Variants in MAP4 observed in about 807,000 individuals in gnomAD.
MAP4 encodes the protein microtubule-associated protein 4.
In MAP4, 76 loss-of-function variants were observed where a neutral mutation model predicts 170.2. The ratio of observed to expected loss-of-function variants is 0.45; its 90% CI spans 0.37 to 0.54. The LOEUF (loss-of-function observed/expected upper bound fraction) is 0.54, where lower values mean the gene tolerates loss of function less well. Among genes scored for constraint, MAP4 ranks in the 20% least tolerant of loss-of-function variants. MAP4 has a pLI of 0.00. For missense variants in MAP4, 2,506 were observed against 2,748.0 expected (o/e 0.91, Z 1.97); for synonymous variants, 909 against 994.5 (o/e 0.91, Z 1.62).
At chr3:48,020,939 G>A (rs1255174635), upstream of MAP4, among the ~76,000 whole-genome samples, 1 of 152,126 alleles carries the variant, frequency 6.6e-6, no homozygotes, top group Non-Finnish European at 1.5e-5. Flanking sequence ...GCTGAGACTA[G>A]AAGCATGTGC....
intron 10 of MAP4, chr3:47,890,978 C>T: frequency 7.1e-7 from 1 of 1,413,090 alleles, no homozygotes; most frequent in Non-Finnish European, 9.3e-7. Flanking sequence ...TGGTTCCTTC[C>T]TTGCTGTCTG....
chr3:47,921,606 T>TA (rs1242637475), intron 5 of MAP4, among the ~76,000 whole-genome samples, 159 bp downstream of exon 5: 2 of 152,218 alleles, frequency 1.3e-5, no homozygotes, highest in African/African-American at 2.4e-5. Context: ...ACTCATTCCC[T>TA]AGGTACCTCT....
intron 9 of MAP4, among the ~76,000 whole-genome samples, chr3:47,903,881 A>G (rs1473299007): frequency 6.6e-6 from 1 of 152,252 alleles, no homozygotes; most frequent in Non-Finnish European, 1.5e-5. Flanking sequence ...TCTCTGGACA[A>G]TAAAATGCTA....
chr3:48,058,973 T>A (rs2100133734), intron 1 of MAP4, among the ~76,000 whole-genome samples: 3 of 151,812 alleles, frequency 2.0e-5, no homozygotes, highest in African/African-American at 7.3e-5. Flanking sequence ...AGAGATGGGT[T>A]TCATCATGTG....
At chr3:47,891,559 T>TG in intron 10 of MAP4, 1 of 1,530,252 alleles carries the variant, frequency 6.5e-7, no homozygotes, top group Non-Finnish European at 8.7e-7. Context: ...GGTTGACAGC[T>TG]GGGGGAACTG....
In MAP4 at chr3:47,877,446, G is replaced by T; in HGVS notation, c.5512C>A (p.Leu1838Ile). The change falls in exon 11 of 21, where the codon CTC (leucine) becomes ATC (isoleucine). Residue 1838 changes from leucine to isoleucine, a missense_variant. Physicochemically the swap from Leu to Ile is conservative, Grantham distance 5. Coordinates refer to ENST00000683076, the MANE Select transcript of MAP4 (RefSeq NM_001385682.1). ...GTTTTCTTCTCTGGGCTTGGTGGGA[G>T]CTCCTTGTTCGGTGGGGTGGTGATG... ...NDITTPPNKELPPSPEKKTKP... is the reference protein window; with the variant it reads ...NDITTPPNKEIPPSPEKKTKP... The T allele has an allele frequency of 6.2e-7, 1 of 1,614,098 alleles. No individual in the cohort carries two copies. Among genetic ancestry groups the T allele is most frequent in the Non-Finnish European group, 8.5e-7 (1 of 1,179,974 alleles).
chr3:47,862,346 C>CAAAAAA (rs57751818), intron 17 of MAP4, among the ~76,000 whole-genome samples: 37 of 52,366 alleles, frequency 7.1e-4, no homozygotes, highest in Non-Finnish European at 1.0e-3. Flanking sequence ...GACTGTGTCT[C>CAAAAAA]AAAAAAAAAA....
Position 47,855,625 on chromosome 3 carries a change from G to A in MAP4, c.6584-265C>T, listed in dbSNP as rs1008921543. Among the ~76,000 whole-genome samples, 1 of 152,208 alleles carries A rather than the reference G, an allele frequency of 6.6e-6. No individual in the cohort carries two copies. Among genetic ancestry groups the A allele is most frequent in the African/African-American group, 2.4e-5 (1 of 41,454 alleles). Reference sequence around the variant, plus strand: ...CACCCCATGCCACAGCCACTGAGCTGCAGGCCAGGCTTGGGCAGGCCTGGG... The same window carrying A: ...CACCCCATGCCACAGCCACTGAGCTACAGGCCAGGCTTGGGCAGGCCTGGG... On this transcript the variant is annotated intron_variant, in intron 18 of 20. Coordinates refer to ENST00000683076, the MANE Select transcript of MAP4 (RefSeq NM_001385682.1). This position sits in a 1 kb window ranked among gnomAD's most constrained non-coding sequence, Gnocchi z 5.1.
In MAP4 at chr3:47,928,230, G is replaced by A; in HGVS notation, c.413C>T (p.Thr138Ile). The A allele has an allele frequency of 1.2e-6, 2 of 1,614,138 alleles. No individual in the cohort carries two copies. Among genetic ancestry groups the A allele is most frequent in the Non-Finnish European group, 1.7e-6 (2 of 1,180,014 alleles). ...QPEQVVDPIQ[T>I]DPFKMYHDDD... ...GTCACGAGCAAGCCAACACTTACCA[G>A]TCTGGATAGGATCGACCACTTGCTC... Residue 138 changes from threonine to isoleucine, a missense_variant and splice_region_variant, in exon 4 of 21, where the codon ACT (threonine) becomes ATT (isoleucine). Physicochemically the swap from Thr to Ile is moderately conservative, Grantham distance 89. Coordinates refer to ENST00000683076, the MANE Select transcript of MAP4 (RefSeq NM_001385682.1).
intron 1 of MAP4, among the ~76,000 whole-genome samples, chr3:48,031,589 G>A (rs1241259239): frequency 6.6e-6 from 1 of 152,124 alleles, no homozygotes; most frequent in Non-Finnish European, 1.5e-5. Context: ...GCCAGGCATG[G>A]TGGTACGTGC....
At chr3:47,972,148 A>C (rs2100079156) in intron 3 of MAP4, among the ~76,000 whole-genome samples, 1 of 152,226 alleles carries the variant, frequency 6.6e-6, no homozygotes, top group Non-Finnish European at 1.5e-5. Context: ...CTTAGATATA[A>C]AATATTTTTA....
chr3:47,995,237 C>A (rs1359782820), intron 2 of MAP4, among the ~76,000 whole-genome samples: 1 of 143,014 alleles, frequency 7.0e-6, no homozygotes, highest in Non-Finnish European at 1.5e-5. Context: ...ATGATAGCAA[C>A]TTTTTTTCTT....
Position 47,869,275 on chromosome 3 carries a change from G to A in MAP4, c.6347C>T (p.Ser2116Phe), listed in dbSNP as rs142057829. Residue 2116 changes from serine (S) to phenylalanine (F), a missense_variant, in exon 16 of 21, where the codon TCT becomes TTT. Physicochemically the swap from Ser to Phe is radical, Grantham distance 155 (BLOSUM62 -2). Transcript: ENST00000683076. ...EAAATTRKPE[S>F]NAVTKTAGPI... The stretch of plus-strand genomic sequence containing the variant: ...GCCGGCTGTTTTAGTGACTGCATTA[G>A]ATTCAGGCTTTCGGGTTGTAGCAGC... 6 of 1,614,070 alleles carry A rather than the reference G, an allele frequency of 3.7e-6. No individual in the cohort carries two copies. The African/African-American group carries it at 8.0e-5, about 22-fold the overall frequency.
At chr3:48,029,352 T>C (rs1183480292) in intron 1 of MAP4, among the ~76,000 whole-genome samples, 1 of 151,710 alleles carries the variant, frequency 6.6e-6, no homozygotes, top group Non-Finnish European at 1.5e-5. Context: ...ATGAGAATGC[T>C]TAAAACCCAG....
At chr3:47,898,833 A>G (rs768327369) in intron 10 of MAP4, among the ~76,000 whole-genome samples, 21 of 152,114 alleles carry the variant, frequency 1.4e-4, no homozygotes, top group Non-Finnish European at 2.9e-5. Flanking sequence ...GTGCATGCCC[A>G]TAGTACTAGC....
chr3:48,010,209 CTGAGG>C (rs1304419431), intron 1 of MAP4, among the ~76,000 whole-genome samples: 2 of 152,138 alleles, frequency 1.3e-5, no homozygotes, highest in African/African-American at 4.8e-5. Flanking sequence ...CCATGACCTG[CTGAGG>C]TATTTGGGGA....
chr3:47,997,325 C>CAA (rs1559754149), intron 2 of MAP4, among the ~76,000 whole-genome samples: 67 of 40,706 alleles, frequency 1.6e-3, no homozygotes, highest in African/African-American at 0.013. Flanking sequence ...ATTTAAACTG[C>CAA]TAAAAAAAAA....
chr3:48,050,469 C>T (rs1170971557), intron 1 of MAP4, among the ~76,000 whole-genome samples: 2 of 151,792 alleles, frequency 1.3e-5, no homozygotes, highest in Non-Finnish European at 2.9e-5. Flanking sequence ...AAAAAAAATT[C>T]AGCCTCTTTC....
At chr3:47,949,539 C>G (rs566599778) in intron 3 of MAP4, among the ~76,000 whole-genome samples, 116 of 147,752 alleles carry the variant, frequency 7.9e-4, no homozygotes, top group African/African-American at 2.8e-3. Context: ...ACATCAACAA[C>G]ATAGTACCAG....
Sources: allele counts gnomAD v4.1 joint callset (sites outside exome capture counted in the v4.1 genomes callset), GRCh38; gene constraint gnomAD v4.1.1; non-coding constraint Gnocchi (gnomAD v3.1); transcripts MANE v1.5; gene names NCBI Gene and HGNC (gene_info 2026-07-23, HGNC 2026-07-21).